The following PCDH15 variants were observed in gnomAD, a reference collection of about 807,000 sequenced individuals.
The protein encoded by PCDH15 is protocadherin related 15.
In PCDH15, 129 loss-of-function variants were observed where a neutral mutation model predicts 178.5. That is an observed-to-expected ratio of 0.72 (90% CI 0.63 to 0.84). The LOEUF is 0.84. PCDH15 is among the 40% of genes least tolerant of loss of function. The probability of loss-of-function intolerance (pLI) is 0.00; values close to 1 mark genes in which losing one functional copy is unlikely to be tolerated. For missense variants in PCDH15, 2,230 were observed against 2,099.9 expected (o/e 1.06, Z -1.21); for synonymous variants, 800 against 732.0 (o/e 1.09, Z -1.50).
chr10:54,078,556 C>T (rs895799714), intron 17 of PCDH15, among the ~76,000 whole-genome samples: 1 of 150,912 alleles, frequency 6.6e-6, no homozygotes, highest in African/African-American at 2.4e-5. Flanking sequence ...TATTTCTAGA[C>T]AATAGCACTG....
intron 9 of PCDH15, among the ~76,000 whole-genome samples, chr10:54,222,372 T>C (rs2052933954): frequency 6.6e-6 from 1 of 152,206 alleles, no homozygotes; most frequent in Admixed American, 6.5e-5. Flanking sequence ...CAATGACTGA[T>C]TTGTTCATCA....
intron 2 of PCDH15, among the ~76,000 whole-genome samples, chr10:54,579,018 G>A (rs1301761639): frequency 6.6e-6 from 1 of 151,980 alleles, no homozygotes; most frequent in African/African-American, 2.4e-5. Flanking sequence ...GGAAAAAAAG[G>A]ACAATTTCTG....
At chr10:54,727,587 C>A (rs1413130593) in intron 1 of PCDH15, among the ~76,000 whole-genome samples, 3 of 151,218 alleles carry the variant, frequency 2.0e-5, no homozygotes, top group African/African-American at 7.3e-5. Context: ...CAAGAAATAA[C>A]CAAAATCAGA....
intron 18 of PCDH15, among the ~76,000 whole-genome samples, chr10:54,041,519 C>T (rs999997440): frequency 1.3e-5 from 2 of 152,006 alleles, no homozygotes; most frequent in Admixed American, 1.3e-4. Context: ...AAAATTATTA[C>T]AGTGATAAAC....
At chr10:54,528,443 G>T in intron 2 of PCDH15, 1 of 1,504,186 alleles carries the variant, frequency 6.6e-7, no homozygotes, top group South Asian at 1.2e-5. Context: ...AAGCAGATCA[G>T]AAAAATGGAA....
At chr10:55,025,094 T>C (rs1254270362) in intron 2 of PCDH15, among the ~76,000 whole-genome samples, 1 of 152,166 alleles carries the variant, frequency 6.6e-6, no homozygotes, top group Non-Finnish European at 1.5e-5. Flanking sequence ...CCTTTTAATG[T>C]CTCTTTTCAT....
At chr10:55,123,222 T>C (rs1490089631) in intron 2 of PCDH15, among the ~76,000 whole-genome samples, 4 of 152,030 alleles carry the variant, frequency 2.6e-5, no homozygotes, top group Non-Finnish European at 5.9e-5. Context: ...ATGAATATTA[T>C]AGTAATTTTT....
upstream of PCDH15, among the ~76,000 whole-genome samples, chr10:54,804,927 TTATATA>T (rs71014419): frequency 2.8e-3 from 144 of 50,844 alleles, 22 homozygotes; most frequent in Admixed American, 1.8e-3. Context: ...TCATAGTAGA[TTATATA>T]TATATATATA....
intron 2 of PCDH15, among the ~76,000 whole-genome samples, chr10:55,097,637 T>G (rs1004072632): frequency 6.6e-6 from 1 of 152,040 alleles, no homozygotes; most frequent in African/African-American, 2.4e-5. Context: ...ACACTTAAGA[T>G]TCACAACTAA....
At chr10:55,537,150 G>A (rs1179041346) in intron 2 of PCDH15, among the ~76,000 whole-genome samples, 1 of 151,928 alleles carries the variant, frequency 6.6e-6, no homozygotes, top group African/African-American at 2.4e-5. Flanking sequence ...GCTGATACCA[G>A]TGCAGCCAGA....
intron 2 of PCDH15, among the ~76,000 whole-genome samples, chr10:55,537,273 T>G (rs1315745050): frequency 1.3e-5 from 2 of 152,184 alleles, no homozygotes; most frequent in Non-Finnish European, 2.9e-5. Context: ...GTTTTTTAAA[T>G]AATTTTATAG....
chr10:55,095,165 C>T (rs1842419704), intron 2 of PCDH15, among the ~76,000 whole-genome samples: 1 of 151,896 alleles, frequency 6.6e-6, no homozygotes, highest in Non-Finnish European at 1.5e-5. Flanking sequence ...TGCTCTCAAA[C>T]TCCTGAGCTT....
At chr10:55,283,967 T>C (rs1842800707) in intron 1 of PCDH15, among the ~76,000 whole-genome samples, 1 of 152,160 alleles carries the variant, frequency 6.6e-6, no homozygotes, top group South Asian at 2.1e-4. Flanking sequence ...TTAAGCTCTA[T>C]ACAATACATG....
intron 2 of PCDH15, among the ~76,000 whole-genome samples, chr10:54,952,625 TAC>T (rs1248155356): frequency 6.6e-6 from 1 of 151,894 alleles, no homozygotes; most frequent in East Asian, 1.9e-4. Context: ...TTCATCAATA[TAC>T]ATAGAATATC....
intron 25 of PCDH15, among the ~76,000 whole-genome samples, chr10:53,924,217 C>T (rs749520810): frequency 1.4e-3 from 219 of 151,544 alleles, no homozygotes; most frequent in Admixed American, 5.3e-3. Flanking sequence ...CTGCATGTGG[C>T]GCTCGCGAGC....
At chr10:55,191,975 T>G (rs976941151) in intron 1 of PCDH15, among the ~76,000 whole-genome samples, 10 of 151,942 alleles carry the variant, frequency 6.6e-5, no homozygotes, top group African/African-American at 2.4e-4. Context: ...AAATAGACGT[T>G]GTCACACTTT....
intron 15 of PCDH15, among the ~76,000 whole-genome samples, chr10:54,094,550 G>A (rs569264258): frequency 1.1e-4 from 17 of 152,252 alleles, no homozygotes; most frequent in South Asian, 2.1e-4. Flanking sequence ...GAACAACAAC[G>A]AGGTTGTCAG....
chr10:53,957,809 G>T (rs1187449610), intron 23 of PCDH15, among the ~76,000 whole-genome samples: 2 of 152,068 alleles, frequency 1.3e-5, no homozygotes, highest in African/African-American at 2.4e-5. Flanking sequence ...AGGATTGGAA[G>T]CACAGGTTAC....
chr10:54,169,033 T>C (rs900646751), intron 13 of PCDH15, among the ~76,000 whole-genome samples: 4 of 152,144 alleles, frequency 2.6e-5, no homozygotes, highest in Non-Finnish European at 4.4e-5. Context: ...TTGCTACACA[T>C]GCAGGAAATC....
Sources: allele counts gnomAD v4.1 joint callset (sites outside exome capture counted in the v4.1 genomes callset), GRCh38; gene constraint gnomAD v4.1.1; transcripts MANE v1.5; gene names NCBI Gene and HGNC (gene_info 2026-07-23, HGNC 2026-07-21).